The following WWOX variants were observed in gnomAD, a reference collection of about 807,000 sequenced individuals.
WWOX encodes the protein WW domain containing oxidoreductase, also known as WW domain-containing oxidoreductase.
In WWOX, 69 loss-of-function variants were observed where a neutral mutation model predicts 46.2. The ratio of observed to expected loss-of-function variants is 1.49; its 90% CI spans 1.23 to 1.82. WWOX has a LOEUF of 1.82. Ranked by LOEUF, WWOX falls within the 40% of genes most tolerant of loss-of-function variation. The probability of loss-of-function intolerance (pLI) is 0.00; values close to 1 mark genes in which losing one functional copy is unlikely to be tolerated. For synonymous variants in WWOX, 359 were observed against 202.6 expected, an observed-to-expected ratio of 1.77 and a Z score of -6.56; for missense variants, 919 against 542.6, an observed-to-expected ratio of 1.69 and a Z score of -6.89.
At position 78,866,754 on chromosome 16, in the gene WWOX, C is replaced by T. The variant is rs553994092; in HGVS notation, c.1057-344854C>T. Among the ~76,000 whole-genome samples the T allele has an allele frequency of 9.9e-5, 15 of 152,268 alleles. No individual in the cohort carries two copies. In the South Asian group the frequency reaches 2.3e-3, roughly 23 times the overall value. The stretch of plus-strand genomic sequence containing the variant: ...ACCAGGAATGCACTGTTTCCAGCCA[C>T]GGGCTATCCAGGGAATTGGGGACAG... On this transcript the variant is annotated intron_variant, in intron 8 of 8. Transcript: ENST00000566780.
intron 8 of WWOX, among the ~76,000 whole-genome samples, chr16:78,665,211 C>G (rs1013407926): frequency 6.6e-6 from 1 of 152,086 alleles, no homozygotes; most frequent in African/African-American, 2.4e-5. Context: ...AGTTGGCACG[C>G]GGGCTTCTGG....
intron 8 of WWOX, among the ~76,000 whole-genome samples, chr16:78,587,554 C>G (rs889590559): frequency 4.6e-5 from 7 of 152,034 alleles, no homozygotes; most frequent in African/African-American, 1.7e-4. Flanking sequence ...CTGAGATTCG[C>G]TCACTGCCCT....
chr16:79,184,927 G>C (rs1490999452), intron 8 of WWOX, among the ~76,000 whole-genome samples: 1 of 152,164 alleles, frequency 6.6e-6, no homozygotes, highest in African/African-American at 2.4e-5. Context: ...TTGGCTGTAG[G>C]GATTCTCCTT....
chr16:78,704,330 C>T (rs934776603), intron 8 of WWOX, among the ~76,000 whole-genome samples: 1 of 152,124 alleles, frequency 6.6e-6, no homozygotes, highest in African/African-American at 2.4e-5. Context: ...AAGATGTCAG[C>T]ACATGACCTA....
intron 8 of WWOX, among the ~76,000 whole-genome samples, chr16:79,008,569 C>A (rs1164499567): frequency 6.6e-6 from 1 of 152,100 alleles, no homozygotes; most frequent in Non-Finnish European, 1.5e-5. Context: ...CTGTGAAATC[C>A]CCATTTCACA....
At chr16:79,197,045 T>C (rs2051254592) in intron 8 of WWOX, among the ~76,000 whole-genome samples, 1 of 152,208 alleles carries the variant, frequency 6.6e-6, no homozygotes, top group East Asian at 1.9e-4. Context: ...AGGGCTCATA[T>C]TGACCCAGTA....
intron 8 of WWOX, among the ~76,000 whole-genome samples, chr16:79,089,579 C>T (rs2048916297): frequency 6.6e-6 from 1 of 152,186 alleles, no homozygotes; most frequent in Admixed American, 6.5e-5. Flanking sequence ...ATCTGCCCGC[C>T]TCAAAGTCCC....
chr16:78,512,892 G>A (rs892270421), intron 8 of WWOX, among the ~76,000 whole-genome samples: 10 of 152,118 alleles, frequency 6.6e-5, no homozygotes, highest in Admixed American at 5.2e-4. Flanking sequence ...CTGGATCTGC[G>A]TGTTACCCAG....
At chr16:79,167,060 C>T (rs751968891) in intron 8 of WWOX, among the ~76,000 whole-genome samples, 6 of 152,126 alleles carry the variant, frequency 3.9e-5, no homozygotes, top group Non-Finnish European at 8.8e-5. Flanking sequence ...CATGCGTCAG[C>T]CTCCTGAGTA....
intron 8 of WWOX, among the ~76,000 whole-genome samples, chr16:78,779,418 G>T (rs1253052797): frequency 6.6e-6 from 1 of 152,140 alleles, no homozygotes; most frequent in Non-Finnish European, 1.5e-5. Context: ...TTACAGGTAA[G>T]AGCCACCGTG....
chr16:78,511,223 C>A (rs1045461989), intron 8 of WWOX, among the ~76,000 whole-genome samples: 1 of 152,176 alleles, frequency 6.6e-6, no homozygotes, highest in Non-Finnish European at 1.5e-5. Context: ...GTTACCTCCC[C>A]CTCCCCAGCG....
At chr16:78,509,502 C>G (rs949487095) in intron 8 of WWOX, among the ~76,000 whole-genome samples, 1 of 151,950 alleles carries the variant, frequency 6.6e-6, no homozygotes, top group African/African-American at 2.4e-5. Flanking sequence ...GCCATTTTAC[C>G]GCATGTGACT....
At chr16:78,144,508 T>C (rs866211160) in intron 4 of WWOX, among the ~76,000 whole-genome samples, 733 of 37,028 alleles carry the variant, frequency 0.02, 99 homozygotes, top group African/African-American at 0.067. Flanking sequence ...CACATATATA[T>C]ATATATATAT....
chr16:78,164,676 A>G (rs76474381), intron 5 of WWOX, among the ~76,000 whole-genome samples: 455 of 152,314 alleles, frequency 3.0e-3, no homozygotes, highest in African/African-American at 0.01. Context: ...TTCTCTGTCT[A>G]TGTAGAAGTT....
chr16:78,538,004 G>C (rs181926360), intron 8 of WWOX, among the ~76,000 whole-genome samples: 1 of 151,974 alleles, frequency 6.6e-6, no homozygotes, highest in Non-Finnish European at 1.5e-5. Flanking sequence ...TCTTGAAAAC[G>C]GAAAAGATGA....
At chr16:78,225,509 C>T (rs762110845) in intron 5 of WWOX, among the ~76,000 whole-genome samples, 2 of 152,010 alleles carry the variant, frequency 1.3e-5, no homozygotes, top group East Asian at 1.9e-4. Flanking sequence ...TTAATTGTTA[C>T]GCTTTAAAAA....
At chr16:79,086,923 C>G (rs1301336205) in intron 8 of WWOX, among the ~76,000 whole-genome samples, 2 of 152,182 alleles carry the variant, frequency 1.3e-5, no homozygotes, top group African/African-American at 4.8e-5. Flanking sequence ...TCAGTAAGAG[C>G]TGCAGTCACA....
intron 5 of WWOX, among the ~76,000 whole-genome samples, chr16:78,174,740 C>A (rs1215009269): frequency 1.3e-5 from 2 of 152,166 alleles, no homozygotes; most frequent in Non-Finnish European, 2.9e-5. Context: ...GTAATCCCAG[C>A]ACTTTGGGAG....
intron 8 of WWOX, among the ~76,000 whole-genome samples, chr16:78,950,350 T>C (rs2046033776): frequency 1.3e-5 from 2 of 152,164 alleles, no homozygotes; most frequent in East Asian, 1.9e-4. Context: ...TTGAGTACTT[T>C]TCAGTGTTTG....
Sources: allele counts gnomAD v4.1 joint callset (sites outside exome capture counted in the v4.1 genomes callset), GRCh38; gene constraint gnomAD v4.1.1; transcripts MANE v1.5; gene names NCBI Gene and HGNC (gene_info 2026-07-23, HGNC 2026-07-21).